Variants in TTN observed in about 807,000 individuals in gnomAD.
TTN encodes the protein connectin.
In TTN, 1,525 loss-of-function variants were observed where a neutral mutation model predicts 3,223.0. The ratio of observed to expected loss-of-function variants is 0.47; its 90% CI spans 0.45 to 0.49. TTN has a LOEUF of 0.49. Ranked by LOEUF, TTN falls within the 20% of genes least tolerant of loss-of-function variation. The pLI is 0.00. For synonymous variants in TTN, 14,094 were observed against 15,161.0 expected (o/e 0.93, Z 5.17); for missense variants, 40,786 against 43,424.0 (o/e 0.94, Z 5.40).
chr2:178,535,753 C>T lies in TTN; in HGVS notation c.100862G>A (p.Gly33621Asp). The T allele has an allele frequency of 6.2e-7, 1 of 1,613,356 alleles. No individual in the cohort carries two copies. Among genetic ancestry groups the T allele is most frequent in the South Asian group, 1.1e-5 (1 of 91,078 alleles). The change falls in exon 358 of 363, where the codon GGC becomes GAC. Residue 33621 changes from glycine to aspartate, a missense_variant. Physicochemically the swap from Gly to Asp is moderately conservative, Grantham distance 94. Transcript: ENST00000589042. ...EVVSIKIPFS[G>D]KPDPVITWQK... is the part of the protein sequence containing the mutation. The stretch of plus-strand genomic sequence containing the variant: ...CCAGGTGATCACAGGATCTGGTTTG[C>T]CACTGAAAGGAATCTTGATGCTGAC...
Position 178,775,582 on chromosome 2 carries a change from A to G in TTN, c.6282T>C (p.Asp2094=), listed in dbSNP as rs780645233. Residue 2094 remains aspartate, a synonymous_variant, in exon 28 of 363, where the codon GAT becomes GAC. Coordinates refer to ENST00000589042, the MANE Select transcript of TTN (RefSeq NM_001267550.2). Reference sequence around the variant, plus strand: ...CCACGACTCTGACCCGGAAGTGTGCATCAGATCCTTGGCCCACTGTTTGGC... The same window carrying G: ...CCACGACTCTGACCCGGAAGTGTGCGTCAGATCCTTGGCCCACTGTTTGGC... ...IQSQTVGQGS[D]AHFRVRVVGK... is the part of the protein sequence containing the mutation. The G allele has an allele frequency of 6.2e-7, 1 of 1,614,074 alleles. No individual in the cohort carries two copies. The highest frequency in any genetic ancestry group is 1.7e-5 in the Admixed American group (1 of 60,002).
rs1466149919 is a variant in TTN at position 178,633,584 on chromosome 2, G to A, written c.42775C>T (p.Pro14259Ser). 1 of 1,613,296 alleles carries A rather than the reference G, an allele frequency of 6.2e-7. No individual in the cohort carries two copies. Among genetic ancestry groups the A allele is most frequent in the Non-Finnish European group, 8.5e-7 (1 of 1,179,584 alleles). Residue 14259 changes from proline to serine, a missense_variant, in exon 232 of 363, where the codon CCA becomes TCA. By Grantham distance (74) the Pro-to-Ser change is moderately conservative. Coordinates refer to ENST00000589042, the MANE Select transcript of TTN (RefSeq NM_001267550.2). ...TLKCEVSKDVPVKWFKDGEEI... is the reference protein window; with the variant it reads ...TLKCEVSKDVSVKWFKDGEEI... ...TCACCATCTTTGAACCATTTCACTGGTACATCTTTGCTCACTTCACACTTC... is the reference window on the plus strand; with the variant it reads ...TCACCATCTTTGAACCATTTCACTGATACATCTTTGCTCACTTCACACTTC...
rs1185928356 is a variant in TTN at position 178,782,855 on chromosome 2, A to G, written c.3051T>C (p.Ala1017=). ...AEDSGRFTCS[A]VNEAGTVSTS... ...TGCTGACGGTTCCAGCCTCATTTACAGCACTGCAAGTAAATCGCCCGCTGT... is the reference window on the plus strand; with the variant it reads ...TGCTGACGGTTCCAGCCTCATTTACGGCACTGCAAGTAAATCGCCCGCTGT... Residue 1017 remains alanine, a synonymous_variant, in exon 18 of 363, where the codon GCT becomes GCC. Coordinates refer to ENST00000589042, the MANE Select transcript of TTN (RefSeq NM_001267550.2). 7 of 1,613,808 alleles carry G rather than the reference A, an allele frequency of 4.3e-6. No individual in the cohort carries two copies. The highest frequency in any genetic ancestry group is 5.9e-6 in the Non-Finnish European group (7 of 1,179,932).
intron 20 of TTN, 46 bp downstream of exon 20, chr2:178,782,166 G>T (rs377585081): frequency 6.2e-7 from 1 of 1,605,396 alleles, no homozygotes; most frequent in Non-Finnish European, 8.5e-7. Flanking sequence ...CTTCATGCAC[G>T]TATTATACAA....
rs1165678829 is a variant in TTN at position 178,570,384 on chromosome 2, A to G, written c.75748T>C (p.Leu25250=). ...TTGGCATCAACCACAGTCCAAACTAAGCGGCTGGTTTCTCTCCTTTCCACA... is the reference window on the plus strand; with the variant it reads ...TTGGCATCAACCACAGTCCAAACTAGGCGGCTGGTTTCTCTCCTTTCCACA... ...YIVERRETSR[L]VWTVVDANVQ... The change falls in exon 326 of 363, where the codon TTA becomes CTA. Residue 25250 remains leucine, a synonymous_variant. Coordinates refer to ENST00000589042, the MANE Select transcript of TTN (RefSeq NM_001267550.2). The G allele has an allele frequency of 6.2e-7, 1 of 1,613,120 alleles. No homozygotes were observed. The highest frequency in any genetic ancestry group is 1.3e-5 in the African/African-American group (1 of 74,894).
chr2:178,679,953 A>G lies in TTN; in HGVS notation c.33521T>C (p.Ile11174Thr), dbSNP rs1319759011. ...AGTTATGAACTCCTCTTCTTCATGA[A>G]TGTACTCTTCTTCTTCTTCTACAAG... Reference protein sequence around the residue: ...EYLVEEEEEYIHEEEEFITEE... With the variant: ...EYLVEEEEEYTHEEEEFITEE... Residue 11174 changes from isoleucine to threonine, a missense_variant, in exon 140 of 363, where the codon ATT (isoleucine) becomes ACT (threonine). Ile to Thr is a moderately conservative substitution (Grantham distance 89). Transcript: ENST00000589042. The G allele has an allele frequency of 6.2e-7, 1 of 1,612,992 alleles. No individual in the cohort carries two copies. The highest frequency in any genetic ancestry group is 2.2e-5 in the East Asian group (1 of 44,864).
chr2:178,535,016 G>A lies in TTN; in HGVS notation c.101599C>T (p.Leu33867=). 1.9e-6 allele frequency: 3 copies of A among 1,613,796 alleles called. No homozygotes were observed. The highest frequency in any genetic ancestry group is 3.3e-5 in the Admixed American group (2 of 60,014). Residue 33867 remains leucine (L), a synonymous_variant, in exon 358 of 363, where the codon CTG becomes TTG. Transcript: ENST00000589042. ...ATGTTTCTATGCCTAGCAATATTCA[G>A]AATGGAAATTTCCTTCTTTACCAAA... The part of the protein sequence containing the change: ...QVLVKKEISI[L]NIARHRNILH...
chr2:178,604,438 G>T, intron 281 of TTN, 133 bp from the exon 282 acceptor site: 2 of 814,610 alleles, frequency 2.5e-6, no homozygotes, highest in Non-Finnish European at 3.5e-6. Context: ...AACATGGGAA[G>T]ACAGAGAAAA....
Position 178,770,235 on chromosome 2 carries a change from A to G in TTN, c.8466T>C (p.Thr2822=), listed in dbSNP as rs765151966. 3.7e-6 allele frequency: 6 copies of G among 1,614,048 alleles called. No homozygotes were observed. The Admixed American group carries it at 8.3e-5, about 22-fold the overall frequency. ...TCTTATGGAACCATTTTACTGGAACAGTGTCATGGGAAACACTAACTTCAA... is the reference window on the plus strand; with the variant it reads ...TCTTATGGAACCATTTTACTGGAACGGTGTCATGGGAAACACTAACTTCAA... The part of the protein sequence containing the change: ...VAFEVSVSHD[T]VPVKWFHKSV... The change falls in exon 36 of 363, where the codon ACT becomes ACC. Residue 2822 remains threonine, a synonymous_variant. Transcript: ENST00000589042.
rs1157717115 is a variant in TTN, at chr2:178,712,993, T to C, written c.27050-18A>G. On this transcript the variant is annotated intron_variant, in intron 93 of 362. Coordinates refer to ENST00000589042, the MANE Select transcript of TTN (RefSeq NM_001267550.2). ...TGGTGGTTCTAAACACAAAAGCACATATCAGAAAAGGTTTAGTATTTGTGA... is the reference window on the plus strand; with the variant it reads ...TGGTGGTTCTAAACACAAAAGCACACATCAGAAAAGGTTTAGTATTTGTGA... 6.2e-7 allele frequency: 1 copy of C among 1,608,938 alleles called. No individual in the cohort carries two copies.
chr2:178,574,938 C>T lies in TTN; in HGVS notation c.71194G>A (p.Gly23732Arg), dbSNP rs747116393. The T allele has an allele frequency of 1.2e-6, 2 of 1,613,000 alleles. No individual in the cohort carries two copies. Among genetic ancestry groups the T allele is most frequent in the South Asian group, 1.1e-5 (1 of 91,040 alleles). The change falls in exon 326 of 363, where the codon GGA becomes AGA. Residue 23732 changes from glycine (G) to arginine (R), a missense_variant. Physicochemically the swap from Gly to Arg is moderately radical, Grantham distance 125. Coordinates refer to ENST00000589042, the MANE Select transcript of TTN (RefSeq NM_001267550.2). ...GAAACTTCATCAAATTTGATTGGTC[C>T]AGTAGGTGGCCCTGGGATATCATGG... ...QVHDIPGPPT[G>R]PIKFDEVSSD...
Position 178,613,860 on chromosome 2 carries a change from C to T in TTN, c.49423G>A (p.Asp16475Asn), listed in dbSNP as rs1246365092. Residue 16475 changes from aspartate to asparagine, a missense_variant, in exon 263 of 363, where the codon GAT becomes AAT. By Grantham distance (23) the Asp-to-Asn change is conservative. Transcript: ENST00000589042. ...DAVTLTWCEP[D>N]DDGGSPITGY... ...GTGATTGGGCTGCCACCATCATCAT[C>T]TGGCTCACACCATGTGAGAGTCACT... is the stretch of plus-strand genomic sequence containing the variant. 4.3e-6 allele frequency: 7 copies of T among 1,612,076 alleles called. No individual in the cohort carries two copies. The highest frequency in any genetic ancestry group is 5.9e-6 in the Non-Finnish European group (7 of 1,178,918).
chr2:178,730,366 G>A lies in TTN; in HGVS notation c.18034C>T (p.Pro6012Ser). The change falls in exon 62 of 363, where the codon CCT becomes TCT. Residue 6012 changes from proline to serine, a missense_variant. Transcript: ENST00000589042. Reference sequence around the variant, plus strand: ...GACTGTGGCTTTTCCACAAAGTAAGGGGGTTCTGAGGTGAAAGAAAAAACA... The same window carrying A: ...GACTGTGGCTTTTCCACAAAGTAAGAGGGTTCTGAGGTGAAAGAAAAAACA... ...CSGHLTVKEP[P>S]YFVEKPQSQD... 4 of 1,572,968 alleles carry A rather than the reference G, an allele frequency of 2.5e-6. No homozygotes were observed. Among genetic ancestry groups the A allele is most frequent in the Non-Finnish European group, 3.4e-6 (4 of 1,162,290 alleles).
chr2:178,803,880 AAAG>A (rs1043728135), intron 2 of TTN, among the ~76,000 whole-genome samples: 6 of 152,172 alleles, frequency 3.9e-5, no homozygotes, highest in African/African-American at 1.4e-4. Flanking sequence ...TGAGGAAGAA[AAAG>A]AAGGCAAAAA....
chr2:178,629,289 C>T lies in TTN; in HGVS notation c.44424+12G>A, dbSNP rs764849555. 68 of 1,611,052 alleles carry T rather than the reference C, an allele frequency of 4.2e-5. No individual in the cohort carries two copies. The highest frequency in any genetic ancestry group is 5.7e-5 in the Non-Finnish European group (67 of 1,178,570). ...AAAAGAACGGGAAAGACAAGGCATG[C>T]CTGCTTTTTACCTTATCGCTGGGCT... On this transcript the variant is annotated intron_variant, in intron 240 of 362. Coordinates refer to ENST00000589042, the MANE Select transcript of TTN (RefSeq NM_001267550.2).
At chr2:178,774,161 A>G (rs1280168572) in intron 30 of TTN, 46 bp downstream of exon 30, 1 of 1,613,952 alleles carries the variant, frequency 6.2e-7, no homozygotes, top group Non-Finnish European at 8.5e-7. Flanking sequence ...TTATCAATAA[A>G]CCATAATGAT....
At position 178,634,423 on chromosome 2, in the gene TTN, C is replaced by T; in HGVS notation, c.42358G>A (p.Gly14120Arg). Residue 14120 changes from glycine to arginine, a missense_variant, in exon 230 of 363, where the codon GGG becomes AGG. Gly to Arg is a moderately radical substitution (Grantham distance 125). Transcript: ENST00000589042. This position sits in a 1 kb window ranked among gnomAD's most constrained non-coding sequence, Gnocchi z 4.6. ...CCCTCCACCTCAGCAGTATAGACCC[C>T]TTCATCATCAAATTGAGAATCATTA... ...VINDSQFDDE[G>R]VYTAEVEGKK... 1 of 1,613,060 alleles carries T rather than the reference C, an allele frequency of 6.2e-7. No homozygotes were observed. The highest frequency in any genetic ancestry group is 8.5e-7 in the Non-Finnish European group (1 of 1,179,458).
chr2:178,678,564 A>G lies in TTN; in HGVS notation c.33827-67T>C, dbSNP rs557157289. On this transcript the variant is annotated intron_variant, in intron 143 of 362. Transcript: ENST00000589042. ...AAATACTGATTCCAAGCATAGTTTC[A>G]AAAGATTAAGATAAGGTAATAAAAG... The G allele has an allele frequency of 4.5e-6, 6 of 1,348,242 alleles. No homozygotes were observed. The South Asian group carries it at 7.1e-5, about 16-fold the overall frequency. 83.5% of individuals were successfully genotyped at this position (1,348,242 alleles called of 1,614,324 possible). A position where few individuals can be genotyped will look rare whatever the true frequency, so the allele number is the denominator to read the frequency against.
At chr2:178,697,751 G>C (rs1035044195) in intron 112 of TTN, among the ~76,000 whole-genome samples, 1 of 152,050 alleles carries the variant, frequency 6.6e-6, no homozygotes, top group Admixed American at 6.6e-5. Flanking sequence ...AAAAATCTTC[G>C]AGGATATATT....
Sources: gnomAD v4.1 joint callset for allele counts (sites outside exome capture counted in the v4.1 genomes callset) on GRCh38, gnomAD v4.1.1 for gene constraint, Gnocchi (gnomAD v3.1) non-coding constraint, MANE v1.5 for transcripts, NCBI Gene and HGNC (gene_info 2026-07-23, HGNC 2026-07-21) for gene names.